Variants in ADAMTS16 observed in about 807,000 individuals in gnomAD.
ADAMTS16 encodes the protein A disintegrin and metalloproteinase with thrombospondin motifs 16.
ADAMTS16 carries 94 observed loss-of-function variants against 145.8 expected under a neutral mutation model. That is an observed-to-expected ratio of 0.64 (90% CI 0.55 to 0.77). ADAMTS16 has a LOEUF of 0.77. Among genes scored for constraint, ADAMTS16 ranks in the 30% least tolerant of loss-of-function variants. The pLI is 0.00. For synonymous variants in ADAMTS16, 659 were observed against 604.3 expected (o/e 1.09, Z -1.33); for missense variants, 1,585 against 1,591.5 (o/e 1.00, Z 0.07).
chr5:5,258,774 G>GA (rs768382516), intron 17 of ADAMTS16, among the ~76,000 whole-genome samples: 274 of 152,116 alleles, frequency 1.8e-3, no homozygotes, highest in South Asian at 3.7e-3. Flanking sequence ...CTGAAACACA[G>GA]AAAAAATAGG....
At chr5:5,307,992 T>A (rs368740605) in intron 21 of ADAMTS16, among the ~76,000 whole-genome samples, 1 of 152,324 alleles carries the variant, frequency 6.6e-6, no homozygotes, top group East Asian at 1.9e-4. Context: ...GGCTGAATGC[T>A]GGTTGCTAAA....
At chr5:5,274,973 A>G (rs551583822) in intron 18 of ADAMTS16, among the ~76,000 whole-genome samples, 4 of 152,306 alleles carry the variant, frequency 2.6e-5, no homozygotes, top group African/African-American at 7.2e-5. Flanking sequence ...ACATGCTTCA[A>G]ATATTTTGGA....
chr5:5,186,603 G>T (rs1271923640), intron 5 of ADAMTS16, among the ~76,000 whole-genome samples: 1 of 152,154 alleles, frequency 6.6e-6, no homozygotes, highest in Non-Finnish European at 1.5e-5. Context: ...AGCATTAGAT[G>T]TGTGATTTTA....
rs1737316627 is a variant in ADAMTS16, at chr5:5,242,265, T to C, written c.2662+74T>C. On this transcript the variant is annotated intron_variant, in intron 17 of 22. Transcript: ENST00000274181. ...CCACTGCGTACATTGCACTGGCCTT[T>C]CTTGAATCCTAATGAGCAGCCCGGG... is the stretch of plus-strand genomic sequence containing the variant. The C allele has an allele frequency of 1.9e-6, 3 of 1,558,274 alleles. No individual in the cohort carries two copies. The South Asian group carries it at 3.5e-5, about 18-fold the overall frequency.
chr5:5,274,578 G>A (rs2126458715), intron 18 of ADAMTS16, among the ~76,000 whole-genome samples: 1 of 152,000 alleles, frequency 6.6e-6, no homozygotes, highest in Non-Finnish European at 1.5e-5. Flanking sequence ...GGATGCACCA[G>A]GTTTATTTAT....
chr5:5,197,808 T>C (rs1034943798), intron 8 of ADAMTS16, among the ~76,000 whole-genome samples: 4 of 152,228 alleles, frequency 2.6e-5, no homozygotes, highest in Non-Finnish European at 5.9e-5. Context: ...ATGTGGGCAT[T>C]GTACTGATTG....
intron 21 of ADAMTS16, among the ~76,000 whole-genome samples, chr5:5,309,331 T>A (rs555731149): frequency 1.3e-5 from 2 of 151,926 alleles, no homozygotes; most frequent in African/African-American, 2.4e-5. Context: ...TTTTGTGAAA[T>A]TTTTTTTTCA....
intron 9 of ADAMTS16, among the ~76,000 whole-genome samples, chr5:5,203,928 C>A (rs951035937): frequency 3.3e-5 from 5 of 152,156 alleles, no homozygotes; most frequent in African/African-American, 1.2e-4. Flanking sequence ...TCTGACCTGA[C>A]AGCCCATTAA....
chr5:5,262,234 C>T (rs1240629248), intron 17 of ADAMTS16, among the ~76,000 whole-genome samples: 1 of 152,144 alleles, frequency 6.6e-6, no homozygotes, highest in African/African-American at 2.4e-5. Context: ...ATGTTTCCTG[C>T]TGATTTATTA....
intron 3 of ADAMTS16, among the ~76,000 whole-genome samples, chr5:5,178,921 C>T (rs1486795512): frequency 6.6e-6 from 1 of 151,860 alleles, no homozygotes; most frequent in Non-Finnish European, 1.5e-5. Flanking sequence ...GCTGGGTGCA[C>T]CAACACTCAG....
chr5:5,283,524 C>T (rs1178423974), intron 18 of ADAMTS16, among the ~76,000 whole-genome samples: 1 of 151,618 alleles, frequency 6.6e-6, no homozygotes, highest in Non-Finnish European at 1.5e-5. Flanking sequence ...TCTGTGTCTA[C>T]CAATCCTTGG....
intron 11 of ADAMTS16, among the ~76,000 whole-genome samples, chr5:5,231,544 G>T (rs1452294741): frequency 6.6e-6 from 1 of 152,040 alleles, no homozygotes; most frequent in Non-Finnish European, 1.5e-5. Context: ...CTCCACTGGG[G>T]CCAGGACAAG....
chr5:5,168,623 TA>T (rs1734953419), intron 3 of ADAMTS16, among the ~76,000 whole-genome samples: 1 of 86,678 alleles, frequency 1.2e-5, no homozygotes, highest in South Asian at 3.7e-4. Flanking sequence ...TTATATATTA[TA>T]TTATATATAA....
chr5:5,183,899 A>C (rs1042525053), intron 4 of ADAMTS16, among the ~76,000 whole-genome samples: 19 of 152,244 alleles, frequency 1.2e-4, no homozygotes, highest in Non-Finnish European at 2.5e-4. Flanking sequence ...GTATTTGAAA[A>C]GTGGAAAAAA....
rs758852801 is a variant in ADAMTS16 at position 5,239,166 on chromosome 5, A to C, written c.2170A>C (p.Asn724His). 8.3e-6 allele frequency: 13 copies of C among 1,567,798 alleles called. No individual in the cohort carries two copies. Among genetic ancestry groups the C allele is most frequent in the South Asian group, 1.2e-5 (1 of 82,784 alleles). ...GGCCCTCCAGAGAGTTGGATGTGACAATGTCCTTGGATCTGATGCTGTTGA... is the reference window on the plus strand; with the variant it reads ...GGCCCTCCAGAGAGTTGGATGTGACCATGTCCTTGGATCTGATGCTGTTGA... The part of the protein sequence containing the change: ...DGICERVGCD[N>H]VLGSDAVEDV... The change falls in exon 15 of 23, where the codon AAT (asparagine) becomes CAT (histidine). Residue 724 changes from asparagine to histidine, a missense_variant. Physicochemically the swap from Asn to His is moderately conservative, Grantham distance 68 (BLOSUM62 1). Coordinates refer to ENST00000274181, the MANE Select transcript of ADAMTS16 (RefSeq NM_139056.4).
Position 5,232,383 on chromosome 5 carries a change from C to G in ADAMTS16, c.1717C>G (p.Gln573Glu). 1 of 1,613,942 alleles carries G rather than the reference C, an allele frequency of 6.2e-7. No homozygotes were observed. Among genetic ancestry groups the G allele is most frequent in the Middle Eastern group, 1.7e-4 (1 of 6,060 alleles). The change falls in exon 12 of 23, where the codon CAG becomes GAG. Residue 573 changes from glutamine to glutamate, a missense_variant. Physicochemically the swap from Gln to Glu is conservative, Grantham distance 29. Coordinates refer to ENST00000274181, the MANE Select transcript of ADAMTS16 (RefSeq NM_139056.4). ...AAAATTTTAGTGGTGCCGGGGAGGA[C>G]AGTGTGTGAAATATGGTGATGAAGG... Reference protein sequence around the residue: ...CGHDMWCRGGQCVKYGDEGPK... With the variant: ...CGHDMWCRGGECVKYGDEGPK...
At chr5:5,202,505 C>T (rs1579307522) in intron 9 of ADAMTS16, among the ~76,000 whole-genome samples, 1 of 152,126 alleles carries the variant, frequency 6.6e-6, no homozygotes, top group East Asian at 1.9e-4. Context: ...GGATTGTTAG[C>T]ATTGTTTTTA....
intron 18 of ADAMTS16, among the ~76,000 whole-genome samples, chr5:5,281,883 CAT>C (rs535853539): frequency 2.9e-4 from 44 of 152,224 alleles, no homozygotes; most frequent in Admixed American, 1.1e-3. Flanking sequence ...AATACAGACA[CAT>C]ATCTGTGTGT....
intron 10 of ADAMTS16, among the ~76,000 whole-genome samples, chr5:5,215,071 A>T (rs1318907804): frequency 6.6e-6 from 1 of 152,192 alleles, no homozygotes; most frequent in Admixed American, 6.5e-5. Context: ...TTAGGAAGGG[A>T]TGAATCTCTT....
Sources: gnomAD v4.1 joint callset for allele counts (sites outside exome capture counted in the v4.1 genomes callset) on GRCh38, gnomAD v4.1.1 for gene constraint, MANE v1.5 for transcripts, NCBI Gene and HGNC (gene_info 2026-07-23, HGNC 2026-07-21) for gene names.